Variants in PTPRN2 observed in about 807,000 individuals in gnomAD.
The protein encoded by PTPRN2 is protein tyrosine phosphatase receptor type N2.
A neutral mutation model predicts 118.8 loss-of-function variants in PTPRN2; 74 were observed. That is an observed-to-expected ratio of 0.62 (90% CI 0.52 to 0.76). PTPRN2 has a LOEUF of 0.76. PTPRN2 is among the 30% of genes least tolerant of loss of function. The probability of loss-of-function intolerance (pLI) is 0.00; values close to 1 mark genes in which losing one functional copy is unlikely to be tolerated. For missense variants in PTPRN2, 1,481 were observed against 1,394.4 expected, an observed-to-expected ratio of 1.06 and a Z score of -0.99; for synonymous variants, 641 against 608.0, an observed-to-expected ratio of 1.05 and a Z score of -0.80.
chr7:157,734,085 A>G (rs1800141740), intron 12 of PTPRN2, among the ~76,000 whole-genome samples: 1 of 85,182 alleles, frequency 1.2e-5, no homozygotes, highest in Non-Finnish European at 2.3e-5. Context: ...CCATGCACCC[A>G]GCACAGTTAC....
At chr7:158,042,311 G>A (rs951262940) in intron 11 of PTPRN2, among the ~76,000 whole-genome samples, 3 of 152,186 alleles carry the variant, frequency 2.0e-5, no homozygotes, top group Non-Finnish European at 4.4e-5. Context: ...CCCCAGCAGA[G>A]GGGTCGGGAG....
chr7:158,170,760 C>T (rs557917791), intron 5 of PTPRN2, among the ~76,000 whole-genome samples: 10 of 152,236 alleles, frequency 6.6e-5, no homozygotes, highest in South Asian at 2.1e-4. Flanking sequence ...GGCTCTTTCA[C>T]GGTTTGAGGT....
At position 157,841,190 on chromosome 7, in the gene PTPRN2, C is replaced by A. The variant is rs548251249; in HGVS notation, c.1788+57483G>T. ...GCGCTGGCCACGATGGCAGCAAGGG[C>A]AGCTTTAAGTTAATTCAGGCTGTTT... is the stretch of plus-strand genomic sequence containing the variant. On this transcript the variant is annotated intron_variant, in intron 12 of 22. Transcript: ENST00000389418. Among the ~76,000 whole-genome samples the A allele has an allele frequency of 3.3e-5, 5 of 152,340 alleles. No individual in the cohort carries two copies. In the East Asian group the frequency reaches 7.7e-4, roughly 24 times the overall value.
chr7:158,525,723 C>A lies in PTPRN2; in HGVS notation c.113-35938G>T, dbSNP rs752869171. Reference sequence around the variant, plus strand: ...GCCCTCCTCATTCCCAAGCAGCCCTCGGGGGCAGATGCCCCCATCTCCCAG... The same window carrying A: ...GCCCTCCTCATTCCCAAGCAGCCCTAGGGGGCAGATGCCCCCATCTCCCAG... On this transcript the variant is annotated intron_variant, in intron 1 of 22. Transcript: ENST00000389418. The surrounding 1 kb of genome is among the most constrained non-coding windows in gnomAD (Gnocchi z 4.1). Among the ~76,000 whole-genome samples, 2 of 152,226 alleles carry A rather than the reference C, an allele frequency of 1.3e-5. No homozygotes were observed. The highest frequency in any genetic ancestry group is 1.3e-4 in the Admixed American group (2 of 15,284).
At chr7:158,200,652 A>G (rs1200416587) in intron 4 of PTPRN2, among the ~76,000 whole-genome samples, 1 of 152,224 alleles carries the variant, frequency 6.6e-6, no homozygotes, top group Non-Finnish European at 1.5e-5. Context: ...TATGGTATCA[A>G]TTAGGCCAAA....
intron 3 of PTPRN2, 46 bp downstream of exon 3, chr7:158,316,773 T>C (rs746878534): frequency 7.0e-7 from 1 of 1,427,832 alleles, no homozygotes; most frequent in South Asian, 1.3e-5. Context: ...GCCCGTGCGG[T>C]CGCTCAGTGC....
intron 5 of PTPRN2, among the ~76,000 whole-genome samples, chr7:158,183,711 G>T (rs774284372): frequency 6.6e-5 from 10 of 152,236 alleles, no homozygotes; most frequent in Non-Finnish European, 1.3e-4. Context: ...ATTCTCCAGT[G>T]GGGGTGCATA....
chr7:158,102,908 C>T (rs773300204), intron 10 of PTPRN2, among the ~76,000 whole-genome samples: 11 of 152,162 alleles, frequency 7.2e-5, no homozygotes, highest in Non-Finnish European at 1.0e-4. Flanking sequence ...GGAGGACACA[C>T]CCCCAGGACA....
chr7:158,460,691 G>T (rs1026728938), intron 2 of PTPRN2, among the ~76,000 whole-genome samples: 7 of 152,258 alleles, frequency 4.6e-5, no homozygotes, highest in African/African-American at 1.7e-4. Context: ...GCCATCTGAT[G>T]AGAATTCATC....
rs376162674 is a variant in PTPRN2 at position 157,829,498 on chromosome 7, AG to A, written c.1788+69174del. On this transcript the variant is annotated intron_variant, in intron 12 of 22. Transcript: ENST00000389418. ...TTAGGTAAGTTTGAAAGTCTGGACA[AG>A]GCTGTCATTAAAGCGTAGGTGATGC... Among the ~76,000 whole-genome samples the A allele has an allele frequency of 4.1e-3, 624 of 152,350 alleles. 14 individuals carry two copies. The South Asian group carries it at 0.052, about 13-fold the overall frequency.
chr7:158,301,744 T>G (rs1162102226), intron 3 of PTPRN2, among the ~76,000 whole-genome samples: 1 of 151,782 alleles, frequency 6.6e-6, no homozygotes. Flanking sequence ...AGCCCAGGAG[T>G]TTGAGACCAG....
intron 1 of PTPRN2, among the ~76,000 whole-genome samples, chr7:158,502,907 G>A (rs368479078): frequency 0.027 from 2,428 of 89,720 alleles, no homozygotes; most frequent in East Asian, 0.068. Flanking sequence ...GTGTCCATCA[G>A]CCACTGTGTC....
chr7:158,498,445 T>C (rs552220435), intron 1 of PTPRN2, among the ~76,000 whole-genome samples: 2 of 152,368 alleles, frequency 1.3e-5, no homozygotes, highest in South Asian at 4.1e-4. Context: ...AGTTACTTTT[T>C]GGGAACCGCG....
chr7:158,301,600 T>G (rs76483863), intron 3 of PTPRN2, among the ~76,000 whole-genome samples: 3,122 of 152,302 alleles, frequency 0.02, 114 homozygotes, highest in African/African-American at 0.071. Flanking sequence ...ATAAGCAAAG[T>G]GCATTCACAC....
At position 157,903,697 on chromosome 7, in the gene PTPRN2, C is replaced by G. The variant is rs1797601204; in HGVS notation, c.1724-4960G>C. Among the ~76,000 whole-genome samples, 1 of 149,926 alleles carries G rather than the reference C, an allele frequency of 6.7e-6. No homozygotes were observed. Among genetic ancestry groups the G allele is most frequent in the South Asian group, 2.1e-4 (1 of 4,774 alleles). On this transcript the variant is annotated intron_variant, in intron 11 of 22. Coordinates refer to ENST00000389418, the MANE Select transcript of PTPRN2 (RefSeq NM_002847.5). This position sits in a 1 kb window ranked among gnomAD's most constrained non-coding sequence, Gnocchi z 4.2. ...TTTAAGAGAGTACAAGGGACAGTTT[C>G]ATTCTCGAGCTAATCTGAGACTGCA... is the stretch of plus-strand genomic sequence containing the variant.
intron 2 of PTPRN2, among the ~76,000 whole-genome samples, chr7:158,330,816 ACCCG>A (rs1804225748): frequency 1.5e-5 from 1 of 66,356 alleles, no homozygotes; most frequent in African/African-American, 5.6e-5. Context: ...AAGAGCTGAC[ACCCG>A]CAGACGTCAC....
rs949232436 is a variant in PTPRN2 at position 158,093,764 on chromosome 7, C to T, written c.1644-12387G>A. ...TGCACAATTGTGTATTCCTGCCTCT[C>T]GTACATGAGGCAATAACTTCCCAAA... is the stretch of plus-strand genomic sequence containing the variant. On this transcript the variant is annotated intron_variant, in intron 10 of 22. Coordinates refer to ENST00000389418, the MANE Select transcript of PTPRN2 (RefSeq NM_002847.5). The surrounding 1 kb of genome is among the most constrained non-coding windows in gnomAD (Gnocchi z 4.4). 3.3e-5 allele frequency among the ~76,000 whole-genome samples: 5 copies of T among 152,268 alleles called. No homozygotes were observed. The highest frequency in any genetic ancestry group is 7.3e-5 in the Non-Finnish European group (5 of 68,030).
chr7:158,077,343 C>T (rs576866187), intron 11 of PTPRN2, among the ~76,000 whole-genome samples: 4 of 152,168 alleles, frequency 2.6e-5, no homozygotes, highest in Non-Finnish European at 5.9e-5. Context: ...GAGGACGTCA[C>T]GGAAAGTCAC....
intron 11 of PTPRN2, among the ~76,000 whole-genome samples, chr7:158,007,159 T>A (rs1424932027): frequency 6.6e-6 from 1 of 152,192 alleles, no homozygotes; most frequent in East Asian, 1.9e-4. Context: ...CGACCTCACA[T>A]AACCTCAATC....
Sources: allele counts gnomAD v4.1 joint callset (sites outside exome capture counted in the v4.1 genomes callset), GRCh38; gene constraint gnomAD v4.1.1; non-coding constraint Gnocchi (gnomAD v3.1); transcripts MANE v1.5; gene names NCBI Gene and HGNC (gene_info 2026-07-23, HGNC 2026-07-21).